Variants in CLSPN observed in about 807,000 individuals in gnomAD.
CLSPN encodes the protein claspin.
In CLSPN, 85 loss-of-function variants were observed where a neutral mutation model predicts 156.3. That is an observed-to-expected ratio of 0.54 (90% CI 0.46 to 0.65). The LOEUF is 0.65. Among genes scored for constraint, CLSPN ranks in the 30% least tolerant of loss-of-function variants. The pLI is 0.00. For synonymous variants in CLSPN, 534 were observed against 542.4 expected, an observed-to-expected ratio of 0.98 and a Z score of 0.22; for missense variants, 1,407 against 1,554.9, an observed-to-expected ratio of 0.90 and a Z score of 1.60.
intron 9 of CLSPN, 142 bp downstream of exon 9, chr1:35,753,603 T>C: frequency 1.4e-6 from 1 of 731,744 alleles, no homozygotes; most frequent in Non-Finnish European, 2.2e-6. Flanking sequence ...GTGCTACACG[T>C]GAATCATGCC....
intron 10 of CLSPN, among the ~76,000 whole-genome samples, chr1:35,750,408 T>C (rs1478497395): frequency 6.6e-6 from 1 of 151,844 alleles, no homozygotes; most frequent in African/African-American, 2.4e-5. Context: ...TTTTTTTTTT[T>C]TTTCTTTTTT....
chr1:35,769,382 C>T (rs1000864787), intron 1 of CLSPN, among the ~76,000 whole-genome samples: 1 of 152,200 alleles, frequency 6.6e-6, no homozygotes, highest in African/African-American at 2.4e-5. Context: ...GCGCGATGAC[C>T]TCCAGGGCCC....
At chr1:35,748,979 C>T (rs967859258) in intron 12 of CLSPN, 4 of 314,792 alleles carry the variant, frequency 1.3e-5, no homozygotes, top group Non-Finnish European at 2.4e-5. Context: ...GCGCGTGCCA[C>T]CACACCTGGC....
intron 8 of CLSPN, among the ~76,000 whole-genome samples, chr1:35,754,732 G>A (rs1463854428): frequency 6.6e-6 from 1 of 152,098 alleles, no homozygotes; most frequent in East Asian, 1.9e-4. Flanking sequence ...ATATAACTAA[G>A]CAGCAGGACT....
chr1:35,743,156 T>G lies in CLSPN; in HGVS notation c.3128A>C (p.Lys1043Thr), dbSNP rs116119981. 2.9e-4 allele frequency: 470 copies of G among 1,613,832 alleles called. 5 individuals are homozygous for G. The East Asian group carries it at 8.0e-3, about 27-fold the overall frequency. ...TAACACGTACATTTGCCTTTTCAAC[T>G]TCTCAGATCGCTTCAGGAGTTCTTC... Reference protein sequence around the residue: ...DEEELLKRSEKLKRQMRLRKY... With the variant: ...DEEELLKRSETLKRQMRLRKY... Residue 1043 changes from lysine to threonine, a missense_variant, in exon 18 of 25, where the codon AAG (lysine) becomes ACG (threonine). This residue lies in a region of CLSPN where 70 missense variants were observed against 121.5 expected (regional missense o/e 0.58). Coordinates refer to ENST00000318121, the MANE Select transcript of CLSPN (RefSeq NM_022111.4).
intron 8 of CLSPN, among the ~76,000 whole-genome samples, chr1:35,757,771 G>T (rs1642324617): frequency 6.6e-6 from 1 of 152,200 alleles, no homozygotes; most frequent in African/African-American, 2.4e-5. Context: ...AGCTATGCTA[G>T]TTCTGTTATA....
At chr1:35,731,033 C>G (rs531152061), downstream of CLSPN, among the ~76,000 whole-genome samples, 1 of 151,938 alleles carries the variant, frequency 6.6e-6, no homozygotes, top group East Asian at 1.9e-4. Flanking sequence ...AACCCCGTCT[C>G]TACTGAAAAT....
At chr1:35,744,300 C>G (rs923521023) in intron 16 of CLSPN, among the ~76,000 whole-genome samples, 1 of 152,144 alleles carries the variant, frequency 6.6e-6, no homozygotes, top group African/African-American at 2.4e-5. Flanking sequence ...CATGTTGTAG[C>G]AAGTGTCAGA....
intron 6 of CLSPN, among the ~76,000 whole-genome samples, chr1:35,761,712 T>C (rs1288796539): frequency 6.6e-6 from 1 of 152,024 alleles, no homozygotes; most frequent in Non-Finnish European, 1.5e-5. Context: ...AAACTGCAAA[T>C]AGGGAGGGAT....
intron 18 of CLSPN, among the ~76,000 whole-genome samples, chr1:35,742,632 G>A (rs1419542036): frequency 3.3e-5 from 5 of 152,046 alleles, no homozygotes; most frequent in African/African-American, 1.2e-4. Flanking sequence ...GCCTGCCTTG[G>A]CCTCCCAAAG....
intron 8 of CLSPN, among the ~76,000 whole-genome samples, chr1:35,758,117 T>C (rs1642338020): frequency 6.6e-6 from 1 of 152,112 alleles, no homozygotes; most frequent in South Asian, 2.1e-4. Context: ...CCAGATATAG[T>C]CACTGACATA....
chr1:35,751,231 C>T lies in CLSPN; in HGVS notation c.2028+19G>A. 1 of 1,594,198 alleles carries T rather than the reference C, an allele frequency of 6.3e-7. No individual in the cohort carries two copies. Among genetic ancestry groups the T allele is most frequent in the Non-Finnish European group, 8.5e-7 (1 of 1,178,090 alleles). On this transcript the variant is annotated intron_variant, in intron 10 of 24. Transcript: ENST00000318121. ...TATTCACCATGACAAGGTAACAAAA[C>T]AACGTAATTGCCAGAAACCTCCTGA...
Position 35,721,783 on chromosome 1 carries a change from C to T in CLSPN, c.3910-803G>A, listed in dbSNP as rs183598717. On this transcript the variant is annotated intron_variant, in intron 24 of 24. Transcript: ENST00000251195. ...AAATCATATAAGGTGCCACAACCAC[C>T]GCTACCTCTTCTTGTTATGCATTCT... 1.4e-3 allele frequency among the ~76,000 whole-genome samples: 206 copies of T among 152,154 alleles called. 2 individuals carry two copies. Among genetic ancestry groups the T allele is most frequent in the Admixed American group, 2.6e-3 (40 of 15,284 alleles).
chr1:35,738,228 G>T (rs998095218), intron 21 of CLSPN, 131 bp from the exon 22 acceptor site: 3 of 626,108 alleles, frequency 4.8e-6, no homozygotes, highest in Non-Finnish European at 7.3e-6. Flanking sequence ...TTTCCTTTTT[G>T]CAGCCTTTGC....
intron 9 of CLSPN, among the ~76,000 whole-genome samples, chr1:35,752,470 C>T (rs972077558): frequency 6.7e-4 from 101 of 150,502 alleles, no homozygotes; most frequent in African/African-American, 2.4e-3. Context: ...CCCAGCTATT[C>T]GGGAGGCTGA....
Position 35,768,411 on chromosome 1 carries a change from A to AT in CLSPN, c.24+1435dup, listed in dbSNP as rs150239685. Among the ~76,000 whole-genome samples the AT allele has an allele frequency of 3.1e-3, 455 of 146,356 alleles. 1 individual carries two copies. The highest frequency in any genetic ancestry group is 0.014 in the South Asian group (64 of 4,620). On this transcript the variant is annotated intron_variant, in intron 1 of 24. Coordinates refer to ENST00000318121, the MANE Select transcript of CLSPN (RefSeq NM_022111.4). ...AAATTGATTTGAATGCAAGGTACAAATTTTTTTTTTTTTTGATACAGTGTC... is the reference window on the plus strand; with the variant it reads ...AAATTGATTTGAATGCAAGGTACAAATTTTTTTTTTTTTTTGATACAGTGTC...
intron 11 of CLSPN, 30 bp from the exon 12 acceptor site, chr1:35,749,561 T>G: frequency 6.2e-7 from 1 of 1,614,088 alleles, no homozygotes; most frequent in Non-Finnish European, 8.5e-7. Context: ...ATTGGTTCAG[T>G]ATCTGTTCCT....
rs372446753 is a variant in CLSPN, at chr1:35,746,869, T to C, written c.2751A>G (p.Gly917=). The change falls in exon 15 of 25, where the codon GGA becomes GGG. Residue 917 remains glycine, a synonymous_variant. Coordinates refer to ENST00000318121, the MANE Select transcript of CLSPN (RefSeq NM_022111.4). This position sits in a 1 kb window ranked among gnomAD's most constrained non-coding sequence, Gnocchi z 4.2. ...NMDELLDLCT[G]KFTSQAEKHL... is the part of the protein sequence containing the mutation. ...GTTTTTCAGCCTGAGATGTGAACTTTCCAGTACACAAATCCAACAGCTCAT... is the reference window on the plus strand; with the variant it reads ...GTTTTTCAGCCTGAGATGTGAACTTCCCAGTACACAAATCCAACAGCTCAT... 5.6e-6 allele frequency: 9 copies of C among 1,613,314 alleles called. No individual in the cohort carries two copies. The Admixed American group carries it at 1.5e-4, about 27-fold the overall frequency.
At chr1:35,736,858 A>G in intron 24 of CLSPN, 56 bp downstream of exon 24, 1 of 1,555,322 alleles carries the variant, frequency 6.4e-7, no homozygotes, top group South Asian at 1.2e-5. Context: ...TTAAATTTAA[A>G]TAAATGAATA....
Sources: gnomAD v4.1 joint callset for allele counts (sites outside exome capture counted in the v4.1 genomes callset) on GRCh38, gnomAD v4.1.1 for gene constraint, gnomAD v4.1.1 regional missense constraint, Gnocchi (gnomAD v3.1) non-coding constraint, MANE v1.5 for transcripts, NCBI Gene and HGNC (gene_info 2026-07-23, HGNC 2026-07-21) for gene names.